The following CIZ1 variants were observed in gnomAD, a reference collection of about 807,000 sequenced individuals.
CIZ1 encodes cip1-interacting zinc finger protein.
A neutral mutation model predicts 118.6 loss-of-function variants in CIZ1; 58 were observed. That is an observed-to-expected ratio of 0.49 (90% confidence interval 0.40 to 0.61). CIZ1 has a LOEUF of 0.61. Ranked by LOEUF, CIZ1 falls within the 20% of genes least tolerant of loss-of-function variation. The pLI is 0.00. For missense variants in CIZ1, 921 were observed against 1,115.9 expected (o/e 0.83, Z 2.49); for synonymous variants, 448 against 443.4 (o/e 1.01, Z -0.13).
intron 4 of CIZ1, among the ~76,000 whole-genome samples, chr9:128,186,142 C>A (rs1453727298): frequency 6.6e-6 from 1 of 152,050 alleles, no homozygotes. Context: ...TAACAAGACA[C>A]CCACCCCCAC....
Position 128,166,101 on chromosome 9 carries a change from G to A in CIZ1, c.*96C>T. The A allele has an allele frequency of 2.3e-6, 2 of 884,042 alleles. No individual in the cohort carries two copies. The highest frequency in any genetic ancestry group is 3.3e-6 in the Non-Finnish European group (2 of 613,878). The allele number at this position is 884,042 out of a possible 1,614,324, so 54.8% of individuals were successfully genotyped here. ...ACTACCTTGTTTTATTGGATTTTGA[G>A]TAAAAACATGAACCATGTCAAAGTT... On this transcript the variant is annotated 3_prime_UTR_variant, in exon 17 of 17. Coordinates refer to ENST00000372938, the MANE Select transcript of CIZ1 (RefSeq NM_001131016.2). This position sits in a 1 kb window ranked among gnomAD's most constrained non-coding sequence, Gnocchi z 4.4.
intron 10 of CIZ1, 32 bp downstream of exon 10, chr9:128,177,534 C>CCCCCA: frequency 1.9e-6 from 2 of 1,045,396 alleles, no homozygotes; most frequent in Non-Finnish European, 2.7e-6. Flanking sequence ...GCAGGCCCCA[C>CCCCCA]CCCTCCCCAC....
At position 128,190,462 on chromosome 9, in the gene CIZ1, G is replaced by A. The variant is rs1247220766; in HGVS notation, c.171-18C>T. ...GGAGCCCCCTGTGTGTTGGGAGGGGGTGTCAGAGGGTTATTTGGAAAGTCA... is the reference window on the plus strand; with the variant it reads ...GGAGCCCCCTGTGTGTTGGGAGGGGATGTCAGAGGGTTATTTGGAAAGTCA... On this transcript the variant is annotated intron_variant, in intron 2 of 16. Transcript: ENST00000372938. The A allele has an allele frequency of 1.2e-5, 19 of 1,569,360 alleles. No homozygotes were observed. The highest frequency in any genetic ancestry group is 1.7e-5 in the Admixed American group (1 of 58,300).
In CIZ1 at chr9:128,180,388, G is replaced by A. The variant is rs756011514; in HGVS notation, c.791+27C>T. ...GAATGAGAGCACAGGGCACCCGGGCGCAGGTCAGGTTTTCAGCATCAGTTA... is the reference window on the plus strand; with the variant it reads ...GAATGAGAGCACAGGGCACCCGGGCACAGGTCAGGTTTTCAGCATCAGTTA... On this transcript the variant is annotated intron_variant, in intron 7 of 16. Coordinates refer to ENST00000372938, the MANE Select transcript of CIZ1 (RefSeq NM_001131016.2). 1.9e-5 allele frequency: 30 copies of A among 1,558,994 alleles called. 1 individual carries two copies. Among genetic ancestry groups the A allele is most frequent in the Admixed American group, 1.3e-4 (8 of 59,836 alleles).
chr9:128,180,897 C>A, intron 5 of CIZ1, 83 bp from the exon 6 acceptor site: 1 of 999,070 alleles, frequency 1.0e-6, no homozygotes, highest in South Asian at 1.3e-5. Flanking sequence ...GCCCCCCATC[C>A]TCCAGGGGAT....
At chr9:128,174,809 C>A (rs1443088709) in intron 11 of CIZ1, among the ~76,000 whole-genome samples, 2 of 152,194 alleles carry the variant, frequency 1.3e-5, no homozygotes, top group African/African-American at 4.8e-5. Flanking sequence ...CAGGCATGCA[C>A]CACCATGCCC....
At chr9:128,193,440 G>T (rs1017829931), upstream of CIZ1, among the ~76,000 whole-genome samples, 1 of 151,794 alleles carries the variant, frequency 6.6e-6, no homozygotes, top group South Asian at 2.1e-4. Context: ...TGGGCACAGC[G>T]GCTCACCCCT....
At position 128,191,572 on chromosome 9, in the gene CIZ1, G is replaced by A. The variant is rs1229278825; in HGVS notation, c.-146C>T. On this transcript the variant is annotated 5_prime_UTR_variant, in exon 1 of 17. Transcript: ENST00000372938. This position sits in a 1 kb window ranked among gnomAD's most constrained non-coding sequence, Gnocchi z 5.5. ...TACTCCGGGGCCTGTGGGCTCGTAA[G>A]GCCCAAATGCGGGCGGGGCCGGCCG... 4.5e-6 allele frequency: 5 copies of A among 1,119,088 alleles called. No homozygotes were observed. The highest frequency in any genetic ancestry group is 4.4e-6 in the Non-Finnish European group (4 of 915,748). 69.3% of individuals were successfully genotyped at this position (1,119,088 alleles called of 1,614,324 possible). A position where few individuals can be genotyped will look rare whatever the true frequency, so the allele number is the denominator to read the frequency against.
chr9:128,174,728 C>T (rs563225811), intron 11 of CIZ1, among the ~76,000 whole-genome samples: 6 of 151,968 alleles, frequency 3.9e-5, no homozygotes, highest in Non-Finnish European at 5.9e-5. Flanking sequence ...GGCGCGATCT[C>T]GGCTCACTGC....
chr9:128,189,493 T>C (rs67103574), intron 3 of CIZ1, among the ~76,000 whole-genome samples: 75,329 of 151,866 alleles, frequency 0.5, 21,913 homozygotes, highest in South Asian at 0.69. Flanking sequence ...ATCATGGTTG[T>C]ACCTCTCCTT....
upstream of CIZ1, chr9:128,191,670 G>C: frequency 7.8e-7 from 1 of 1,282,560 alleles, no homozygotes; most frequent in Non-Finnish European, 9.9e-7. This position sits in a 1 kb window ranked among gnomAD's most constrained non-coding sequence, Gnocchi z 5.5. Flanking sequence ...CAGTGCACAA[G>C]TCACGCTGGG....
In CIZ1 at chr9:128,169,096, C is replaced by T. The variant is rs760155484; in HGVS notation, c.2251G>A (p.Glu751Lys). ...TCAACCTCGATCTCTTCTTCATCCT[C>T]ATCATCCTCTTCCTCTTCTTCATCA... Reference protein sequence around the residue: ...EGDEEEEEDDEDEEEIEVEEE... With the variant: ...EGDEEEEEDDKDEEEIEVEEE... Residue 751 changes from glutamate (E) to lysine (K), a missense_variant, in exon 14 of 17, where the codon GAG (glutamate) becomes AAG (lysine). Glu to Lys is a moderately conservative substitution (Grantham distance 56). Transcript: ENST00000372938. 3.1e-6 allele frequency: 5 copies of T among 1,614,078 alleles called. No individual in the cohort carries two copies. The Admixed American group carries it at 8.3e-5, about 27-fold the overall frequency.
At chr9:128,194,095 C>T (rs1358515123), upstream of CIZ1, among the ~76,000 whole-genome samples, 2 of 152,190 alleles carry the variant, frequency 1.3e-5, no homozygotes, top group Non-Finnish European at 1.5e-5. Context: ...GATGCAGTGG[C>T]TCATGTCTGT....
At position 128,166,913 on chromosome 9, in the gene CIZ1, A is replaced by G. The variant is rs1242456316; in HGVS notation, c.2366-33T>C. Reference sequence around the variant, plus strand: ...ATGGGATGGCAGGGTCTGCACTCACATCCCTGTACCAGCGAGGTGTCCCTC... The same window carrying G: ...ATGGGATGGCAGGGTCTGCACTCACGTCCCTGTACCAGCGAGGTGTCCCTC... On this transcript the variant is annotated intron_variant, in intron 15 of 16. Transcript: ENST00000372938. The surrounding 1 kb of genome is among the most constrained non-coding windows in gnomAD (Gnocchi z 4.4). 6.2e-7 allele frequency: 1 copy of G among 1,613,852 alleles called. No individual in the cohort carries two copies. The highest frequency in any genetic ancestry group is 8.5e-7 in the Non-Finnish European group (1 of 1,179,882).
upstream of CIZ1, among the ~76,000 whole-genome samples, chr9:128,196,059 G>A (rs548337054): frequency 2.0e-5 from 3 of 151,946 alleles, no homozygotes; most frequent in South Asian, 4.2e-4. Context: ...TAGAGATGGG[G>A]TTTTACCATG....
rs971608944 is a variant in CIZ1, at chr9:128,173,141, T to C, written c.1944-3034A>G. On this transcript the variant is annotated intron_variant, in intron 11 of 16. Transcript: ENST00000372938. ...CACCAGGCCTGGCTAATTTCTTTTT[T>C]TTTTTTTTTTTTTTTTTTTTTGAGA... Among the ~76,000 whole-genome samples the C allele has an allele frequency of 5.1e-5, 7 of 136,164 alleles. No individual in the cohort carries two copies. In the East Asian group the frequency reaches 1.3e-3, roughly 25 times the overall value. The allele number at this position is 136,164 out of a possible 152,430, so 89.3% of individuals were successfully genotyped here.
At chr9:128,175,468 CCT>C (rs1726388744) in intron 11 of CIZ1, among the ~76,000 whole-genome samples, 1 of 152,094 alleles carries the variant, frequency 6.6e-6, no homozygotes, top group Non-Finnish European at 1.5e-5. Context: ...GCGAGAGCCC[CCT>C]GTCACACAAG....
intron 11 of CIZ1, among the ~76,000 whole-genome samples, chr9:128,175,079 G>A (rs528700716): frequency 4.6e-5 from 7 of 152,196 alleles, no homozygotes; most frequent in Non-Finnish European, 7.3e-5. Flanking sequence ...CTTGTGCTAC[G>A]TATGTCCTTT....
upstream of CIZ1, among the ~76,000 whole-genome samples, chr9:128,192,575 C>G (rs568836790): frequency 1.0e-3 from 152 of 152,202 alleles, no homozygotes; most frequent in Non-Finnish European, 1.9e-3. Flanking sequence ...CGGAGTCTCA[C>G]TCTGTCGCCC....
Sources: gnomAD v4.1 joint callset for allele counts (sites outside exome capture counted in the v4.1 genomes callset) on GRCh38, gnomAD v4.1.1 for gene constraint, Gnocchi (gnomAD v3.1) non-coding constraint, MANE v1.5 for transcripts, NCBI Gene and HGNC (gene_info 2026-07-23, HGNC 2026-07-21) for gene names.